Variants in KCNH8 observed in about 807,000 individuals in gnomAD.
KCNH8 encodes the protein voltage-gated delayed rectifier potassium channel KCNH8.
Under a neutral mutation model 103.6 loss-of-function variants are expected in KCNH8, and 70 were observed. The observed-to-expected ratio is 0.68, with a 90% CI of 0.56 to 0.82. The LOEUF is 0.82. Among genes scored for constraint, KCNH8 ranks in the 40% least tolerant of loss-of-function variants. The pLI is 0.00. For synonymous variants in KCNH8, 498 were observed against 489.4 expected, an observed-to-expected ratio of 1.02 and a Z score of -0.23; for missense variants, 1,217 against 1,329.9, an observed-to-expected ratio of 0.92 and a Z score of 1.32.
intron 7 of KCNH8, among the ~76,000 whole-genome samples, chr3:19,420,210 T>C (rs2066930396): frequency 1.3e-5 from 2 of 152,216 alleles, no homozygotes; most frequent in Non-Finnish European, 2.9e-5. Context: ...GCTGTGGTTG[T>C]TTTAACTATC....
intron 11 of KCNH8, among the ~76,000 whole-genome samples, chr3:19,464,480 A>C (rs2067695781): frequency 6.6e-6 from 1 of 152,136 alleles, no homozygotes. Context: ...TGGAATAGCA[A>C]ATATTTCTTG....
In KCNH8 at chr3:19,354,238, A is replaced by G. The variant is rs373695798; in HGVS notation, c.811+6273A>G. Among the ~76,000 whole-genome samples, 13 of 152,350 alleles carry G rather than the reference A, an allele frequency of 8.5e-5. 1 individual carries two copies. The highest frequency in any genetic ancestry group is 4.6e-4 in the Admixed American group (7 of 15,308). On this transcript the variant is annotated intron_variant, in intron 5 of 15. Transcript: ENST00000328405. ...GCTCATCGAAGTAAAAGAGGACACAAACAAATGGAAGAACATTCCATGCTC... is the reference window on the plus strand; with the variant it reads ...GCTCATCGAAGTAAAAGAGGACACAGACAAATGGAAGAACATTCCATGCTC...
intron 11 of KCNH8, among the ~76,000 whole-genome samples, chr3:19,499,988 G>A (rs1437971902): frequency 3.3e-5 from 5 of 152,148 alleles, no homozygotes; most frequent in African/African-American, 4.8e-5. Context: ...AAAAGACACA[G>A]ACTGGCAAAT....
intron 2 of KCNH8, among the ~76,000 whole-genome samples, chr3:19,276,828 C>G (rs1008159171): frequency 2.0e-5 from 3 of 152,040 alleles, no homozygotes; most frequent in Non-Finnish European, 4.4e-5. Flanking sequence ...GATAAAACTT[C>G]CATATAATCC....
chr3:19,276,671 AG>A, intron 2 of KCNH8, among the ~76,000 whole-genome samples: 1 of 152,128 alleles, frequency 6.6e-6, no homozygotes. Flanking sequence ...CATTATTATT[AG>A]TTAGCTATTA....
At chr3:19,292,244 A>G (rs2064938923) in intron 3 of KCNH8, among the ~76,000 whole-genome samples, 1 of 152,186 alleles carries the variant, frequency 6.6e-6, no homozygotes. Context: ...GTTATCATAG[A>G]ATGAGGGGAT....
rs75208381 is a variant in KCNH8, at chr3:19,309,830, A to G, written c.442+28501A>G. Among the ~76,000 whole-genome samples the G allele has an allele frequency of 3.0e-3, 453 of 152,052 alleles. 4 individuals are homozygous for G. The highest frequency in any genetic ancestry group is 6.2e-3 in the Admixed American group (95 of 15,242). ...ACTTAACGTAATAGTTGAATCAGAA[A>G]CTATGTGAAAATCTGTCATCCAAAT... On this transcript the variant is annotated intron_variant, in intron 3 of 15. Transcript: ENST00000328405.
At chr3:19,245,846 T>A (rs1179656445) in intron 1 of KCNH8, among the ~76,000 whole-genome samples, 2 of 152,138 alleles carry the variant, frequency 1.3e-5, no homozygotes, top group Non-Finnish European at 2.9e-5. Context: ...TTTGGCAGAG[T>A]CTTTAGGGTT....
chr3:19,494,103 G>A (rs2068383728), intron 11 of KCNH8, among the ~76,000 whole-genome samples: 1 of 152,164 alleles, frequency 6.6e-6, no homozygotes. Context: ...GTGATTTTCT[G>A]TTCGTGTGTT....
intron 8 of KCNH8, 113 bp from the exon 9 acceptor site, chr3:19,449,993 C>A: frequency 1.2e-6 from 1 of 809,038 alleles, no homozygotes; most frequent in Non-Finnish European, 2.0e-6. Flanking sequence ...TCAACATGGC[C>A]ATGTAACCAT....
At chr3:19,294,882 G>A (rs963049124) in intron 3 of KCNH8, among the ~76,000 whole-genome samples, 7 of 152,124 alleles carry the variant, frequency 4.6e-5, no homozygotes, top group Non-Finnish European at 7.4e-5. Context: ...AAATACTCTC[G>A]TGGATTGCAT....
At chr3:19,515,739 T>C (rs1285390781) in intron 14 of KCNH8, among the ~76,000 whole-genome samples, 1 of 152,070 alleles carries the variant, frequency 6.6e-6, no homozygotes, top group Non-Finnish European at 1.5e-5. Context: ...AAATTTAGAT[T>C]AATCCATAAA....
intron 8 of KCNH8, among the ~76,000 whole-genome samples, chr3:19,440,272 G>A (rs949821814): frequency 6.6e-6 from 1 of 152,058 alleles, no homozygotes; most frequent in African/African-American, 2.4e-5. Context: ...GCTAGATAGA[G>A]GCACAATAGA....
intron 1 of KCNH8, among the ~76,000 whole-genome samples, chr3:19,240,552 C>T (rs954238337): frequency 6.7e-5 from 10 of 149,032 alleles, no homozygotes; most frequent in East Asian, 4.1e-4. Flanking sequence ...GCGGAGGTTG[C>T]GGTGAGCCGA....
intron 1 of KCNH8, among the ~76,000 whole-genome samples, chr3:19,162,375 A>T (rs1334213239): frequency 1.3e-5 from 2 of 150,644 alleles, no homozygotes; most frequent in South Asian, 4.2e-4. Flanking sequence ...AAAAAAAAAA[A>T]GTATCTGGGC....
At chr3:19,168,113 C>T (rs1222062102) in intron 1 of KCNH8, among the ~76,000 whole-genome samples, 1 of 151,646 alleles carries the variant, frequency 6.6e-6, no homozygotes, top group Non-Finnish European at 1.5e-5. Context: ...TTGGTTCAAG[C>T]GATTCTCCTG....
At chr3:19,369,507 G>T (rs145038164) in intron 5 of KCNH8, among the ~76,000 whole-genome samples, 3 of 151,726 alleles carry the variant, frequency 2.0e-5, no homozygotes, top group Non-Finnish European at 4.4e-5. Context: ...AGATTGTTTC[G>T]CCACCTAGCA....
chr3:19,364,880 C>T lies in KCNH8; in HGVS notation c.811+16915C>T, dbSNP rs964597105. ...CAGAATTCACTATGGGAAGATGAAA[C>T]GCTATCATAAATTAACTATTGAACG... On this transcript the variant is annotated intron_variant, in intron 5 of 15. Transcript: ENST00000328405. Among the ~76,000 whole-genome samples the T allele has an allele frequency of 7.2e-5, 11 of 152,034 alleles. No homozygotes were observed. The South Asian group carries it at 1.0e-3, about 14-fold the overall frequency.
intron 1 of KCNH8, among the ~76,000 whole-genome samples, chr3:19,206,721 T>G (rs1239290280): frequency 6.6e-6 from 1 of 151,970 alleles, no homozygotes; most frequent in African/African-American, 2.4e-5. Flanking sequence ...ACATTGTCAG[T>G]GTCCCCTGAG....
Sources: gnomAD v4.1 joint callset for allele counts (sites outside exome capture counted in the v4.1 genomes callset) on GRCh38, gnomAD v4.1.1 for gene constraint, MANE v1.5 for transcripts, NCBI Gene and HGNC (gene_info 2026-07-23, HGNC 2026-07-21) for gene names.